The following APBA1 variants were observed in gnomAD, a reference collection of about 807,000 sequenced individuals.
APBA1 encodes amyloid-beta A4 precursor protein-binding family A member 1.
In APBA1, 55 loss-of-function variants were observed where a neutral mutation model predicts 86.6. That is an observed-to-expected ratio of 0.64 (90% CI 0.51 to 0.80). The LOEUF is 0.80. Among genes scored for constraint, APBA1 ranks in the 30% least tolerant of loss-of-function variants. The pLI is 0.00. For missense variants in APBA1, 1,090 were observed against 1,183.0 expected (o/e 0.92, Z 1.15); for synonymous variants, 511 against 493.9 (o/e 1.03, Z -0.46).
chr9:69,447,004 G>A (rs984790594), intron 10 of APBA1, among the ~76,000 whole-genome samples: 6 of 152,200 alleles, frequency 3.9e-5, no homozygotes, highest in Non-Finnish European at 8.8e-5. Context: ...AGTTCTGGAG[G>A]CTGGAAGTCT....
chr9:69,638,837 G>C (rs1190958063), intron 1 of APBA1, among the ~76,000 whole-genome samples: 1 of 152,076 alleles, frequency 6.6e-6, no homozygotes, highest in Non-Finnish European at 1.5e-5. Flanking sequence ...GTATGTTTTT[G>C]AAATTTTGAA....
At chr9:69,559,018 C>G (rs1206871790) in intron 1 of APBA1, among the ~76,000 whole-genome samples, 1 of 152,166 alleles carries the variant, frequency 6.6e-6, no homozygotes, top group Non-Finnish European at 1.5e-5. Flanking sequence ...TTAACCCCCA[C>G]TCCTCAAAGT....
At chr9:69,488,326 T>TG (rs1477660638) in intron 2 of APBA1, among the ~76,000 whole-genome samples, 1 of 151,806 alleles carries the variant, frequency 6.6e-6, no homozygotes, top group Non-Finnish European at 1.5e-5. Context: ...TGACTTTTTT[T>TG]GAAAAAAAAA....
chr9:69,666,386 A>G (rs1588419972), intron 1 of APBA1, among the ~76,000 whole-genome samples: 1 of 150,610 alleles, frequency 6.6e-6, no homozygotes, highest in African/African-American at 2.4e-5. Flanking sequence ...AACTAATGTC[A>G]CCCCCCACCC....
chr9:69,643,372 T>C (rs1823326779), intron 1 of APBA1, among the ~76,000 whole-genome samples: 1 of 152,188 alleles, frequency 6.6e-6, no homozygotes, highest in Non-Finnish European at 1.5e-5. Flanking sequence ...TTGAAAGAAA[T>C]AGAAGTCACT....
intron 1 of APBA1, among the ~76,000 whole-genome samples, chr9:69,604,072 C>T (rs552873651): frequency 1.3e-5 from 2 of 152,316 alleles, no homozygotes; most frequent in African/African-American, 2.4e-5. Flanking sequence ...AATCTGGAAA[C>T]GCTGTACAAA....
intron 2 of APBA1, chr9:69,494,649 T>C (rs1232065726): frequency 6.6e-6 from 1 of 152,154 alleles, no homozygotes; most frequent in African/African-American, 2.4e-5. Flanking sequence ...GAGTCTTTCA[T>C]TCATTTCCAC....
chr9:69,434,106 T>C (rs1834652971), intron 11 of APBA1, among the ~76,000 whole-genome samples: 1 of 152,222 alleles, frequency 6.6e-6, no homozygotes, highest in Non-Finnish European at 1.5e-5. Flanking sequence ...AATACCAAAC[T>C]GTTCGAGTCC....
At chr9:69,527,450 C>T (rs1167321506) in intron 1 of APBA1, among the ~76,000 whole-genome samples, 4 of 151,990 alleles carry the variant, frequency 2.6e-5, no homozygotes, top group African/African-American at 9.7e-5. Context: ...TGGTATTTTA[C>T]TTACTATATT....
chr9:69,660,820 A>C (rs1823739439), intron 1 of APBA1, among the ~76,000 whole-genome samples: 2 of 152,174 alleles, frequency 1.3e-5, no homozygotes, highest in Admixed American at 1.3e-4. Context: ...GTTAAGGGAG[A>C]TGAAAAAATG....
At chr9:69,543,114 C>A (rs1273745997) in intron 1 of APBA1, among the ~76,000 whole-genome samples, 2 of 152,204 alleles carry the variant, frequency 1.3e-5, no homozygotes, top group African/African-American at 2.4e-5. Flanking sequence ...AGTTAGGGTT[C>A]CTTAGTTTCT....
At chr9:69,593,825 G>A (rs752073652) in intron 1 of APBA1, among the ~76,000 whole-genome samples, 10 of 152,108 alleles carry the variant, frequency 6.6e-5, no homozygotes, top group Non-Finnish European at 1.2e-4. Flanking sequence ...TTTTATTAGC[G>A]TTTTTCATCC....
intron 1 of APBA1, among the ~76,000 whole-genome samples, chr9:69,631,350 A>T (rs2133998274): frequency 6.6e-6 from 1 of 152,306 alleles, no homozygotes; most frequent in African/African-American, 2.4e-5. Flanking sequence ...TCAAAACCAC[A>T]ATGAGATACC....
At chr9:69,585,009 T>C (rs1258482714) in intron 1 of APBA1, among the ~76,000 whole-genome samples, 1 of 152,218 alleles carries the variant, frequency 6.6e-6, no homozygotes, top group African/African-American at 2.4e-5. Flanking sequence ...GTTGACTTGC[T>C]TATTCATTTA....
intron 1 of APBA1, among the ~76,000 whole-genome samples, chr9:69,523,727 T>A (rs1194250565): frequency 3.3e-5 from 5 of 151,688 alleles, no homozygotes; most frequent in Non-Finnish European, 7.4e-5. Flanking sequence ...CAATTGGACC[T>A]AAAAGACATC....
At position 69,441,056 on chromosome 9, in the gene APBA1, G is replaced by A. The variant is rs138775576; in HGVS notation, c.2241C>T (p.Thr747=). The change falls in exon 11 of 13, where the codon ACC becomes ACT. Residue 747 remains threonine (T), a synonymous_variant. Transcript: ENST00000265381. ...LNIVRCPPVT[T]VLIRRPDLRY... ...GAAGGTCTGGTCTTCTGATTAACACGGTGGTCACCGGAGGACATCTCACGA... is the reference window on the plus strand; with the variant it reads ...GAAGGTCTGGTCTTCTGATTAACACAGTGGTCACCGGAGGACATCTCACGA... 115 of 1,614,090 alleles carry A rather than the reference G, an allele frequency of 7.1e-5. No individual in the cohort carries two copies. The African/African-American group carries it at 1.1e-3, about 15-fold the overall frequency.
intron 1 of APBA1, among the ~76,000 whole-genome samples, chr9:69,649,878 T>C (rs1823464519): frequency 6.6e-6 from 1 of 152,178 alleles, no homozygotes; most frequent in Non-Finnish European, 1.5e-5. Context: ...ATTCTGTTAA[T>C]GTGGTTTTTA....
intron 11 of APBA1, among the ~76,000 whole-genome samples, chr9:69,435,749 C>T (rs937763317): frequency 1.3e-5 from 2 of 152,180 alleles, no homozygotes; most frequent in African/African-American, 4.8e-5. Context: ...GTTGCCTGTT[C>T]ACTCCGATGG....
At position 69,449,572 on chromosome 9, in the gene APBA1, A is replaced by G. The variant is rs144248964; in HGVS notation, c.2181+12T>C. The G allele has an allele frequency of 9.4e-4, 1,515 of 1,609,604 alleles. 13 individuals carry two copies. In the South Asian group the frequency reaches 0.013, roughly 14 times the overall value. On this transcript the variant is annotated intron_variant, in intron 10 of 12. Coordinates refer to ENST00000265381, the MANE Select transcript of APBA1 (RefSeq NM_001163.4). ...TTTACCACATCAACTGATTTTTCCC[A>G]TATTCAGGTACCTTAATAATGCTCT...
Sources: allele counts gnomAD v4.1 joint callset (sites outside exome capture counted in the v4.1 genomes callset), GRCh38; gene constraint gnomAD v4.1.1; transcripts MANE v1.5; gene names NCBI Gene and HGNC (gene_info 2026-07-23, HGNC 2026-07-21).